CARD14: variants seen among roughly 807,000 people sequenced by gnomAD.
CARD14 encodes caspase recruitment domain-containing protein 14.
Under a neutral mutation model 111.5 loss-of-function variants are expected in CARD14, and 107 were observed. That is an observed-to-expected ratio of 0.96 (90% CI 0.82 to 1.13). The LOEUF is 1.13. CARD14 is among the 50% of genes most tolerant of loss of function. CARD14 has a pLI of 0.00. For synonymous variants in CARD14, 617 were observed against 579.6 expected, an observed-to-expected ratio of 1.06 and a Z score of -0.93; for missense variants, 1,322 against 1,362.3, an observed-to-expected ratio of 0.97 and a Z score of 0.47.
intron 2 of CARD14, among the ~76,000 whole-genome samples, chr17:80,175,659 C>T (rs897639835): frequency 5.3e-5 from 8 of 152,100 alleles, no homozygotes; most frequent in East Asian, 1.9e-4. Context: ...TGCTCCTGCC[C>T]GACACCTCCA....
chr17:80,204,985 G>A (rs1322249607), intron 20 of CARD14, 50 bp from the exon 21 acceptor site: 14 of 1,470,366 alleles, frequency 9.5e-6, no homozygotes, highest in Admixed American at 2.2e-5. Context: ...GGGTAGGCTG[G>A]CTGGGGGCTG....
chr17:80,176,439 C>CAAAAA (rs11290027), intron 2 of CARD14, among the ~76,000 whole-genome samples: 1 of 96,862 alleles, frequency 1.0e-5, no homozygotes, highest in African/African-American at 3.9e-5. Context: ...GACCTTGTCT[C>CAAAAA]AAAAAAAAAA....
chr17:80,195,087 C>A lies in CARD14; in HGVS notation c.1357-104C>A. The A allele has an allele frequency of 7.0e-7, 1 of 1,422,880 alleles. No homozygotes were observed. The highest frequency in any genetic ancestry group is 9.4e-7 in the Non-Finnish European group (1 of 1,059,806). 88.1% of individuals were successfully genotyped at this position (1,422,880 alleles called of 1,614,324 possible). On this transcript the variant is annotated intron_variant, in intron 12 of 23. Coordinates refer to ENST00000648509, the MANE Select transcript of CARD14 (RefSeq NM_001366385.1). This position sits in a 1 kb window ranked among gnomAD's most constrained non-coding sequence, Gnocchi z 4.7. Reference sequence around the variant, plus strand: ...CTTCTTTCCCCTCCTGCCTCCTCTCCAGTCAGTTCTCACTGTGGCTCTCTC... The same window carrying A: ...CTTCTTTCCCCTCCTGCCTCCTCTCAAGTCAGTTCTCACTGTGGCTCTCTC...
rs2040693232 is a variant in CARD14, at chr17:80,195,789, C to A, written c.1594+137C>A. The A allele has an allele frequency of 1.4e-6, 1 of 737,044 alleles. No homozygotes were observed. The highest frequency in any genetic ancestry group is 2.2e-6 in the Non-Finnish European group (1 of 455,080). 45.7% of individuals were successfully genotyped at this position (737,044 alleles called of 1,614,324 possible). A position where few individuals can be genotyped will look rare whatever the true frequency, so the allele number is the denominator to read the frequency against. Reference sequence around the variant, plus strand: ...GCTCAACTTCTGCCCTGGGCCTTGACCTTGGCCTCGACCTTGCACTTTGGG... The same window carrying A: ...GCTCAACTTCTGCCCTGGGCCTTGAACTTGGCCTCGACCTTGCACTTTGGG... On this transcript the variant is annotated intron_variant, in intron 14 of 23. Coordinates refer to ENST00000648509, the MANE Select transcript of CARD14 (RefSeq NM_001366385.1). The surrounding 1 kb of genome is among the most constrained non-coding windows in gnomAD (Gnocchi z 4.7).
chr17:80,193,038 C>T (rs190766888), intron 12 of CARD14, among the ~76,000 whole-genome samples: 1 of 152,354 alleles, frequency 6.6e-6, no homozygotes, highest in African/African-American at 2.4e-5. Flanking sequence ...GCATGAGCCA[C>T]CGCACCTGGC....
chr17:80,188,768 G>C lies in CARD14; in HGVS notation c.843+224G>C. On this transcript the variant is annotated intron_variant, in intron 8 of 23. Coordinates refer to ENST00000648509, the MANE Select transcript of CARD14 (RefSeq NM_001366385.1). This position sits in a 1 kb window ranked among gnomAD's most constrained non-coding sequence, Gnocchi z 4.5. The stretch of plus-strand genomic sequence containing the variant: ...GCTGCTGGAACAGAATTAAAAGCTG[G>C]AACTGGGCACAGTGGCTCATTCCTG... 2.7e-6 allele frequency: 1 copy of C among 366,352 alleles called. No homozygotes were observed. The highest frequency in any genetic ancestry group is 4.7e-6 in the Non-Finnish European group (1 of 213,358). 22.7% of individuals were successfully genotyped at this position (366,352 alleles called of 1,614,324 possible). A position where few individuals can be genotyped will look rare whatever the true frequency, so the allele number is the denominator to read the frequency against.
At chr17:80,170,828 C>T (rs1297665627) in intron 1 of CARD14, among the ~76,000 whole-genome samples, 2 of 112,200 alleles carry the variant, frequency 1.8e-5, no homozygotes, top group Non-Finnish European at 3.7e-5. Flanking sequence ...CCCTCCTCTC[C>T]CCTCTCCTCC....
chr17:80,205,575 G>A lies in CARD14; in HGVS notation c.2614G>A (p.Asp872Asn). ...GTATGAGGCCTGGAGCCAGAGAGGG[G>A]ACATCATCCAGGAGGGAGAGGTGTC... ...EEYEAWSQRG[D>N]IIQEGEVSGG... The change falls in exon 22 of 24, where the codon GAC (aspartate) becomes AAC (asparagine). Residue 872 changes from aspartate (D) to asparagine (N), a missense_variant. Transcript: ENST00000648509. 6.3e-7 allele frequency: 1 copy of A among 1,579,416 alleles called. No individual in the cohort carries two copies. The highest frequency in any genetic ancestry group is 8.6e-7 in the Non-Finnish European group (1 of 1,162,062).
At chr17:80,196,772 C>A (rs1229191658) in intron 14 of CARD14, 1 of 152,384 alleles carries the variant, frequency 6.6e-6, no homozygotes, top group East Asian at 1.9e-4. Flanking sequence ...GACCTGCCAC[C>A]ACCAGCTGGG....
chr17:80,195,420 G>A lies in CARD14; in HGVS notation c.1499+87G>A. 6.5e-7 allele frequency: 1 copy of A among 1,527,200 alleles called. No homozygotes were observed. The highest frequency in any genetic ancestry group is 8.8e-7 in the Non-Finnish European group (1 of 1,131,520). 94.6% of individuals were successfully genotyped at this position (1,527,200 alleles called of 1,614,324 possible). On this transcript the variant is annotated intron_variant, in intron 13 of 23. Coordinates refer to ENST00000648509, the MANE Select transcript of CARD14 (RefSeq NM_001366385.1). This position sits in a 1 kb window ranked among gnomAD's most constrained non-coding sequence, Gnocchi z 4.7. ...CAGAGACACCAACCTAGACCTCAGG[G>A]CATCTGGGTATTGCAGGCAGCAGCT...
chr17:80,186,546 T>C (rs1446150910), intron 7 of CARD14, among the ~76,000 whole-genome samples: 2 of 152,148 alleles, frequency 1.3e-5, no homozygotes, highest in Non-Finnish European at 2.9e-5. Context: ...TTTTTTATTT[T>C]TATTTTTTGG....
At chr17:80,181,759 A>G in intron 5 of CARD14, 110 bp downstream of exon 5, 1 of 1,019,350 alleles carries the variant, frequency 9.8e-7, no homozygotes, top group Non-Finnish European at 1.4e-6. Context: ...TCTTATAAAA[A>G]CACTTGCTGT....
intron 12 of CARD14, among the ~76,000 whole-genome samples, chr17:80,194,786 G>A (rs1480140282): frequency 6.6e-6 from 1 of 152,112 alleles, no homozygotes; most frequent in African/African-American, 2.4e-5. Context: ...GGGGGAAACG[G>A]ACCCCATGAT....
intron 2 of CARD14, among the ~76,000 whole-genome samples, chr17:80,173,620 A>G (rs928768844): frequency 6.8e-6 from 1 of 147,750 alleles, no homozygotes; most frequent in African/African-American, 2.5e-5. Flanking sequence ...TTTTTTTTAG[A>G]TGGAGTCTCG....
At position 80,198,546 on chromosome 17, in the gene CARD14, G is replaced by A. The variant is rs113127952; in HGVS notation, c.1806G>A (p.Ser602=). The A allele has an allele frequency of 4.1e-4, 667 of 1,613,096 alleles. 7 individuals are homozygous for A. The African/African-American group carries it at 6.6e-3, about 16-fold the overall frequency. The change falls in exon 16 of 24, where the codon TCG becomes TCA. Residue 602 remains serine, a synonymous_variant. Transcript: ENST00000648509. This position sits in a 1 kb window ranked among gnomAD's most constrained non-coding sequence, Gnocchi z 7.5. ...GIFIHRVTPG[S]AADQMALRPG... is the part of the protein sequence containing the mutation. ...TCATCCACCGGGTCACCCCGGGCTC[G>A]GCGGCGGACCAGATGGCCTTGCGCC...
chr17:80,189,711 C>G lies in CARD14; in HGVS notation c.844-42C>G, dbSNP rs2040456453. On this transcript the variant is annotated intron_variant, in intron 8 of 23. Coordinates refer to ENST00000648509, the MANE Select transcript of CARD14 (RefSeq NM_001366385.1). This position sits in a 1 kb window ranked among gnomAD's most constrained non-coding sequence, Gnocchi z 4.7. ...GATTCTGCTTGCCTAGGGCAGGCCT[C>G]TGGGGAAGCCAGCACCCCAGGCTGA... 2 of 1,507,836 alleles carry G rather than the reference C, an allele frequency of 1.3e-6. No individual in the cohort carries two copies. The highest frequency in any genetic ancestry group is 1.8e-6 in the Non-Finnish European group (2 of 1,135,578). 93.4% of individuals were successfully genotyped at this position (1,507,836 alleles called of 1,614,324 possible).
At position 80,195,593 on chromosome 17, in the gene CARD14, C is replaced by A; in HGVS notation, c.1535C>A (p.Ala512Asp). 2 of 1,613,034 alleles carry A rather than the reference C, an allele frequency of 1.2e-6. No individual in the cohort carries two copies. The highest frequency in any genetic ancestry group is 8.5e-7 in the Non-Finnish European group (1 of 1,179,856). Reference protein sequence around the residue: ...CLEIPEGDPGALPGAKAGDPH... With the variant: ...CLEIPEGDPGDLPGAKAGDPH... ...GAGATCCCGGAGGGAGACCCGGGAG[C>A]CCTGCCGGGAGCTAAGGCAGGCGAC... The change falls in exon 14 of 24, where the codon GCC (alanine) becomes GAC (aspartate). Residue 512 changes from alanine (A) to aspartate (D), a missense_variant. Transcript: ENST00000648509. This position sits in a 1 kb window ranked among gnomAD's most constrained non-coding sequence, Gnocchi z 4.7.
At position 80,194,681 on chromosome 17, in the gene CARD14, C is replaced by T. The variant is rs562961691; in HGVS notation, c.1357-510C>T. Among the ~76,000 whole-genome samples, 259 of 152,214 alleles carry T rather than the reference C, an allele frequency of 1.7e-3. 2 individuals are homozygous for T. Among genetic ancestry groups the T allele is most frequent in the African/African-American group, 5.9e-3 (244 of 41,520 alleles). The stretch of plus-strand genomic sequence containing the variant: ...TGGCAGAAGGCACCTCTTCGCAGAG[C>T]GGCAGGAGAGAGAATGAGTGCTCAG... On this transcript the variant is annotated intron_variant, in intron 12 of 23. Coordinates refer to ENST00000648509, the MANE Select transcript of CARD14 (RefSeq NM_001366385.1).
intron 16 of CARD14, among the ~76,000 whole-genome samples, chr17:80,199,450 C>T (rs1779362977): frequency 6.7e-6 from 1 of 149,664 alleles, no homozygotes; most frequent in Non-Finnish European, 1.5e-5. Context: ...CACAGTGGTA[C>T]ATGCCTGTAG....
Sources: gnomAD v4.1 joint callset for allele counts (sites outside exome capture counted in the v4.1 genomes callset) on GRCh38, gnomAD v4.1.1 for gene constraint, Gnocchi (gnomAD v3.1) non-coding constraint, MANE v1.5 for transcripts, NCBI Gene and HGNC (gene_info 2026-07-23, HGNC 2026-07-21) for gene names.